Variants in PLA2G4A observed in about 807,000 individuals in gnomAD.
PLA2G4A encodes the protein cytosolic phospholipase A2.
PLA2G4A carries 40 observed loss-of-function variants against 81.9 expected under a neutral mutation model. The ratio of observed to expected loss-of-function variants is 0.49; its 90% CI spans 0.38 to 0.64. The LOEUF is 0.64. PLA2G4A is among the 30% of genes least tolerant of loss of function. The pLI, the probability that PLA2G4A is intolerant of heterozygous loss-of-function variation, is 0.00. For missense variants in PLA2G4A, 715 were observed against 905.1 expected (o/e 0.79, Z 2.69); for synonymous variants, 302 against 296.9 (o/e 1.02, Z -0.18).
chr1:186,952,242 A>G (rs1055057660), intron 13 of PLA2G4A, among the ~76,000 whole-genome samples: 4 of 152,168 alleles, frequency 2.6e-5, no homozygotes, highest in Non-Finnish European at 4.4e-5. Flanking sequence ...AGTACATTTG[A>G]TAACCCCTAC....
At chr1:186,865,058 C>A (rs1652975609) in intron 2 of PLA2G4A, among the ~76,000 whole-genome samples, 1 of 150,016 alleles carries the variant, frequency 6.7e-6, no homozygotes, top group African/African-American at 2.4e-5. Flanking sequence ...TAGAATGAGA[C>A]TCTGTCTAAA....
At chr1:186,935,550 A>G (rs1388266919) in intron 8 of PLA2G4A, among the ~76,000 whole-genome samples, 2 of 151,920 alleles carry the variant, frequency 1.3e-5, no homozygotes, top group Admixed American at 6.6e-5. Context: ...AAGAAAATAG[A>G]TAGAAAAAGA....
Position 186,904,332 on chromosome 1 carries a change from C to T in PLA2G4A, c.379-2633C>T, listed in dbSNP as rs111995579. On this transcript the variant is annotated intron_variant, in intron 5 of 17. Coordinates refer to ENST00000367466, the MANE Select transcript of PLA2G4A (RefSeq NM_024420.3). ...GTGATCATTCTTCTTTCTAATTGCCCTAATAATACAAGCAGCATGGAAGCC... is the reference window on the plus strand; with the variant it reads ...GTGATCATTCTTCTTTCTAATTGCCTTAATAATACAAGCAGCATGGAAGCC... Among the ~76,000 whole-genome samples the T allele has an allele frequency of 7.9e-4, 121 of 152,230 alleles. 2 individuals are homozygous for T. Among genetic ancestry groups the T allele is most frequent in the African/African-American group, 2.9e-3 (119 of 41,530 alleles).
rs560558865 is a variant in PLA2G4A, at chr1:186,932,755, C to A, written c.559-8C>A. ...TTGTGTACAAATCTCTCTGTTGCAT[C>A]GTTTCAGGTGCCTGTGGTAGCCATA... On this transcript the variant is annotated splice_region_variant and splice_polypyrimidine_tract_variant and intron_variant, in intron 7 of 17. Transcript: ENST00000367466. 1 of 1,612,914 alleles carries A rather than the reference C, an allele frequency of 6.2e-7. No homozygotes were observed. The highest frequency in any genetic ancestry group is 8.5e-7 in the Non-Finnish European group (1 of 1,179,034).
At chr1:186,884,148 A>G (rs1296399599) in intron 3 of PLA2G4A, among the ~76,000 whole-genome samples, 1 of 152,110 alleles carries the variant, frequency 6.6e-6, no homozygotes, top group Admixed American at 6.6e-5. Flanking sequence ...TACTTCTAAG[A>G]TAATAGAGGA....
intron 2 of PLA2G4A, among the ~76,000 whole-genome samples, chr1:186,866,551 T>C (rs1370749369): frequency 6.6e-6 from 1 of 152,150 alleles, no homozygotes; most frequent in Non-Finnish European, 1.5e-5. Flanking sequence ...TGGTTCACAT[T>C]CAATGAGTCC....
At chr1:186,977,913 GATAA>G (rs767022317) in intron 16 of PLA2G4A, 125 bp downstream of exon 16, 133 of 729,052 alleles carry the variant, frequency 1.8e-4, no homozygotes, top group Admixed American at 6.5e-4. Flanking sequence ...CCCTTACCTT[GATAA>G]ATAGATACTA....
At position 186,854,326 on chromosome 1, in the gene PLA2G4A, T is replaced by A; in HGVS notation, c.-29T>A. 7.0e-7 allele frequency: 1 copy of A among 1,436,016 alleles called. No homozygotes were observed. The highest frequency in any genetic ancestry group is 1.4e-5 in the African/African-American group (1 of 71,498). 89.0% of individuals were successfully genotyped at this position (1,436,016 alleles called of 1,614,324 possible). Reference sequence around the variant, plus strand: ...GAGTGCCAAAGAAGACTTTGAAGTGTGAAAACATTTCCTGTAATTGAAACC... The same window carrying A: ...GAGTGCCAAAGAAGACTTTGAAGTGAGAAAACATTTCCTGTAATTGAAACC... On this transcript the variant is annotated 5_prime_UTR_variant, in exon 2 of 18. Coordinates refer to ENST00000367466, the MANE Select transcript of PLA2G4A (RefSeq NM_024420.3).
chr1:186,869,715 T>C (rs1177761238), intron 2 of PLA2G4A, among the ~76,000 whole-genome samples: 2 of 152,166 alleles, frequency 1.3e-5, no homozygotes, highest in Admixed American at 6.5e-5. Context: ...CAAGAAATGT[T>C]TGAGTTTTAG....
chr1:186,937,448 A>AC (rs142976190), intron 8 of PLA2G4A, among the ~76,000 whole-genome samples: 44,234 of 151,562 alleles, frequency 0.29, 8,466 homozygotes, highest in African/African-American at 0.54. Flanking sequence ...CTGCATTTTT[A>AC]TAGATATTTC....
intron 15 of PLA2G4A, 132 bp from the exon 16 acceptor site, chr1:186,977,461 T>C: frequency 1.5e-6 from 1 of 667,606 alleles, no homozygotes; most frequent in Non-Finnish European, 2.7e-6. Context: ...GAGAACAGGG[T>C]CGTGATTCAT....
At chr1:186,857,055 TGCCA>T (rs141670396) in intron 2 of PLA2G4A, among the ~76,000 whole-genome samples, 4 of 49,584 alleles carry the variant, frequency 8.1e-5, no homozygotes, top group South Asian at 6.6e-4. Context: ...CACATGTGTC[TGCCA>T]TGCAGCCCCC....
chr1:186,877,864 AT>A (rs1653563908), intron 3 of PLA2G4A, among the ~76,000 whole-genome samples: 1 of 150,872 alleles, frequency 6.6e-6, no homozygotes, highest in Non-Finnish European at 1.5e-5. Context: ...GTGAGACAGA[AT>A]TTTAGAAAAC....
At chr1:186,984,303 G>A (rs1430107329) in intron 17 of PLA2G4A, among the ~76,000 whole-genome samples, 1 of 152,024 alleles carries the variant, frequency 6.6e-6, no homozygotes, top group Non-Finnish European at 1.5e-5. Context: ...CCATCACTTC[G>A]ATCTGGAGGG....
At chr1:186,867,901 A>G (rs1322392968) in intron 2 of PLA2G4A, among the ~76,000 whole-genome samples, 3 of 151,934 alleles carry the variant, frequency 2.0e-5, no homozygotes, top group South Asian at 4.2e-4. Flanking sequence ...ATTTTTTATT[A>G]TTATGGATGG....
intron 8 of PLA2G4A, among the ~76,000 whole-genome samples, chr1:186,936,849 A>G (rs1277121611): frequency 6.6e-6 from 1 of 151,898 alleles, no homozygotes; most frequent in Non-Finnish European, 1.5e-5. Context: ...ATATTTCCAG[A>G]TTTTTATATA....
chr1:186,933,340 G>C (rs1027418642), intron 8 of PLA2G4A, among the ~76,000 whole-genome samples: 1 of 151,898 alleles, frequency 6.6e-6, no homozygotes, highest in Admixed American at 6.6e-5. Context: ...AGATACCATA[G>C]TATACAGAAC....
chr1:186,860,190 G>A, intron 2 of PLA2G4A, among the ~76,000 whole-genome samples: 1 of 152,084 alleles, frequency 6.6e-6, no homozygotes, highest in East Asian at 1.9e-4. Context: ...AATTTATTAT[G>A]ACAAACAGGA....
Position 186,910,658 on chromosome 1 carries a change from A to T in PLA2G4A, c.417-590A>T, listed in dbSNP as rs187149206. Among the ~76,000 whole-genome samples, 23 of 152,336 alleles carry T rather than the reference A, an allele frequency of 1.5e-4. No homozygotes were observed. In the East Asian group the frequency reaches 3.9e-3, roughly 26 times the overall value. On this transcript the variant is annotated intron_variant, in intron 6 of 17. Transcript: ENST00000367466. ...TTGCTACTGCCTTCATTAGCAAGAT[A>T]AAGTATATATAATTTAAGGGTTCTA...
Sources: allele counts gnomAD v4.1 joint callset (sites outside exome capture counted in the v4.1 genomes callset), GRCh38; gene constraint gnomAD v4.1.1; transcripts MANE v1.5; gene names NCBI Gene and HGNC (gene_info 2026-07-23, HGNC 2026-07-21).